The following EPHA7 variants were observed in gnomAD, a reference collection of about 807,000 sequenced individuals.
The protein encoded by EPHA7 is EPH receptor A7, also known as ephrin type-A receptor 7.
Under a neutral mutation model 112.6 loss-of-function variants are expected in EPHA7, and 25 were observed. The ratio of observed to expected loss-of-function variants is 0.22; its 90% CI spans 0.16 to 0.31. EPHA7 has a LOEUF of 0.31. Ranked by LOEUF, EPHA7 falls within the 10% of genes least tolerant of loss-of-function variation. The probability of loss-of-function intolerance (pLI) is 1.00; values close to 1 mark genes in which losing one functional copy is unlikely to be tolerated. For missense variants in EPHA7, 962 were observed against 1,212.6 expected (o/e 0.79, Z 3.07); for synonymous variants, 437 against 406.5 (o/e 1.07, Z -0.90).
At chr6:93,392,269 T>C (rs1777947340) in intron 3 of EPHA7, among the ~76,000 whole-genome samples, 2 of 151,974 alleles carry the variant, frequency 1.3e-5, no homozygotes, top group Non-Finnish European at 2.9e-5. Context: ...TTTCCAGATA[T>C]CCTTGACCCC....
rs1310720779 is a variant in EPHA7 at position 93,269,472 on chromosome 6, A to T, written c.1633+5T>A. ...AGTAGGAATCCAAACCAAAGGCATAATTACCTTCAAACATTTTACCTGTAG... is the reference window on the plus strand; with the variant it reads ...AGTAGGAATCCAAACCAAAGGCATATTTACCTTCAAACATTTTACCTGTAG... On this transcript the variant is annotated splice_donor_5th_base_variant and intron_variant, in intron 7 of 16. Transcript: ENST00000369303. 6.2e-7 allele frequency: 1 copy of T among 1,609,974 alleles called. No homozygotes were observed. Among genetic ancestry groups the T allele is most frequent in the South Asian group, 1.1e-5 (1 of 90,930 alleles).
intron 15 of EPHA7, 85 bp downstream of exon 15, chr6:93,246,707 G>T: frequency 2.6e-6 from 3 of 1,134,132 alleles, no homozygotes; most frequent in African/African-American, 1.6e-5. Flanking sequence ...AAGTCAATTT[G>T]CCATTGTGGT....
In EPHA7 at chr6:93,356,772, G is replaced by A. The variant is rs762450411; in HGVS notation, c.1269C>T (p.Asp423=). The change falls in exon 5 of 17, where the codon GAC becomes GAT. Residue 423 remains aspartate (D), a synonymous_variant. Transcript: ENST00000369303. ...FEVEAVNGVS[D]LSRSQRLFAA... is the part of the protein sequence containing the mutation. ...CAAAGAGCCTCTGGGATCGGCTTAAGTCAGAAACTCCATTTACAGCTTCAA... is the reference window on the plus strand; with the variant it reads ...CAAAGAGCCTCTGGGATCGGCTTAAATCAGAAACTCCATTTACAGCTTCAA... 2 of 1,614,088 alleles carry A rather than the reference G, an allele frequency of 1.2e-6. No individual in the cohort carries two copies. The highest frequency in any genetic ancestry group is 1.1e-5 in the South Asian group (1 of 91,070).
intron 3 of EPHA7, among the ~76,000 whole-genome samples, chr6:93,364,679 T>TATA (rs1423945674): frequency 6.6e-6 from 1 of 152,102 alleles, no homozygotes; most frequent in East Asian, 1.9e-4. Context: ...GCATCAAATT[T>TATA]TATAAAGTTG....
At chr6:93,316,052 A>C (rs1773793761) in intron 5 of EPHA7, among the ~76,000 whole-genome samples, 1 of 152,192 alleles carries the variant, frequency 6.6e-6, no homozygotes, top group Non-Finnish European at 1.5e-5. Flanking sequence ...AAGAGGGTAC[A>C]ATGAGAACAT....
chr6:93,318,409 T>C (rs1773909302), intron 5 of EPHA7, among the ~76,000 whole-genome samples: 1 of 152,014 alleles, frequency 6.6e-6, no homozygotes, highest in African/African-American at 2.4e-5. Context: ...CCTAATTCAT[T>C]GTATCTAAGT....
intron 5 of EPHA7, among the ~76,000 whole-genome samples, chr6:93,341,704 C>T (rs185796648): frequency 2.4e-4 from 36 of 151,916 alleles, no homozygotes; most frequent in Admixed American, 1.8e-3. Context: ...TGCAAACTTA[C>T]ACCAGCAAAC....
chr6:93,331,463 A>T (rs192933178), intron 5 of EPHA7, among the ~76,000 whole-genome samples: 1 of 151,264 alleles, frequency 6.6e-6, no homozygotes, highest in Admixed American at 6.6e-5. Flanking sequence ...AAAAAAAAAA[A>T]TTCAGAGCTT....
chr6:93,266,423 G>A (rs1018124092), intron 7 of EPHA7, among the ~76,000 whole-genome samples: 2 of 151,572 alleles, frequency 1.3e-5, no homozygotes, highest in Admixed American at 6.6e-5. Context: ...ATCAGAATTT[G>A]TGCATATTTA....
chr6:93,322,763 CAAATAAAT>C (rs1322213510), intron 5 of EPHA7, among the ~76,000 whole-genome samples: 1 of 151,482 alleles, frequency 6.6e-6, no homozygotes, highest in Non-Finnish European at 1.5e-5. Context: ...TTTAGTGATT[CAAATAAAT>C]CCCTGAGGGA....
At chr6:93,345,309 G>T (rs1442688819) in intron 5 of EPHA7, among the ~76,000 whole-genome samples, 1 of 151,636 alleles carries the variant, frequency 6.6e-6, no homozygotes, top group African/African-American at 2.4e-5. Flanking sequence ...TAAAAATTAA[G>T]ACACTAATTA....
intron 5 of EPHA7, among the ~76,000 whole-genome samples, chr6:93,305,291 A>G (rs977692746): frequency 9.2e-5 from 14 of 151,852 alleles, no homozygotes; most frequent in African/African-American, 2.7e-4. Flanking sequence ...AAAAGATGGT[A>G]TTAGTGAAAG....
chr6:93,264,742 A>T, intron 7 of EPHA7, 40 bp from the exon 8 acceptor site: 1 of 1,235,546 alleles, frequency 8.1e-7, no homozygotes, highest in Non-Finnish European at 1.1e-6. Context: ...ACTTGACACC[A>T]TGCAAGAACT....
chr6:93,263,808 G>T, intron 9 of EPHA7, 52 bp downstream of exon 9: 2 of 1,482,914 alleles, frequency 1.3e-6, no homozygotes, highest in Admixed American at 3.5e-5. Flanking sequence ...CTAATAACCA[G>T]ATTTTTCTGT....
intron 5 of EPHA7, among the ~76,000 whole-genome samples, chr6:93,287,057 A>G (rs1055484078): frequency 8.5e-5 from 13 of 152,224 alleles, no homozygotes; most frequent in Non-Finnish European, 7.3e-5. Flanking sequence ...ATACTCCACC[A>G]TGCATATTTT....
chr6:93,269,446 GAGT>G, intron 7 of EPHA7, 28 bp downstream of exon 7: 1 of 1,592,980 alleles, frequency 6.3e-7, no homozygotes, highest in Non-Finnish European at 8.6e-7. Context: ...GAGTTATTGA[GAGT>G]AGGAATCCAA....
intron 9 of EPHA7, chr6:93,260,696 GTTGA>G: frequency 3.1e-6 from 3 of 978,708 alleles, no homozygotes; most frequent in Non-Finnish European, 3.6e-6. Context: ...TTCTGCTGTA[GTTGA>G]TTGTTTATCC....
chr6:93,309,971 T>A (rs1236842527), intron 5 of EPHA7, among the ~76,000 whole-genome samples: 1 of 152,230 alleles, frequency 6.6e-6, no homozygotes, highest in Non-Finnish European at 1.5e-5. Context: ...TGGATTTTAA[T>A]CACTTTAGTC....
chr6:93,413,200 A>G (rs933556573), intron 2 of EPHA7, among the ~76,000 whole-genome samples: 2 of 151,984 alleles, frequency 1.3e-5, no homozygotes, highest in African/African-American at 4.8e-5. Context: ...ATTTAGTCAC[A>G]TGCAAACTAA....
Sources: gnomAD v4.1 joint callset for allele counts (sites outside exome capture counted in the v4.1 genomes callset) on GRCh38, gnomAD v4.1.1 for gene constraint, MANE v1.5 for transcripts, NCBI Gene and HGNC (gene_info 2026-07-23, HGNC 2026-07-21) for gene names.